PDGFA: variants seen among roughly 807,000 people sequenced by gnomAD.
The protein encoded by PDGFA is platelet-derived growth factor subunit A.
Under a neutral mutation model 25.6 loss-of-function variants are expected in PDGFA, and 9 were observed. The observed-to-expected ratio is 0.35, with a 90% CI of 0.21 to 0.61. The LOEUF (loss-of-function observed/expected upper bound fraction) is 0.61. PDGFA is among the 20% of genes least tolerant of loss of function. The probability of loss-of-function intolerance (pLI) is 0.75; values close to 1 mark genes in which losing one functional copy is unlikely to be tolerated. For missense variants in PDGFA, 242 were observed against 272.8 expected (o/e 0.89, Z 0.79); for synonymous variants, 133 against 111.8 (o/e 1.19, Z -1.20).
rs61733314 is a variant in PDGFA, at chr7:501,186, C to T, written c.510G>A (p.Arg170=). The change falls in exon 5 of 6, where the codon AGG becomes AGA. Residue 170 remains arginine, a synonymous_variant. Coordinates refer to ENST00000402802, the Ensembl canonical transcript of PDGFA. ...AGGCGCACTCCAAATGCTCCTCTAACCTCACCTGGACTTCTTTTAATTTTG... is the reference window on the plus strand; with the variant it reads ...AGGCGCACTCCAAATGCTCCTCTAATCTCACCTGGACTTCTTTTAATTTTG... The T allele has an allele frequency of 2.2e-3, 3,489 of 1,614,224 alleles. 68 individuals are homozygous for T. The African/African-American group carries it at 0.041, about 19-fold the overall frequency.
intron 4 of PDGFA, among the ~76,000 whole-genome samples, chr7:502,214 C>T (rs997420889): frequency 6.6e-6 from 1 of 152,074 alleles, no homozygotes; most frequent in Non-Finnish European, 1.5e-5. Flanking sequence ...ACACCAAGAC[C>T]CTGTCTCTAT....
chr7:502,582 G>A (rs1782391640), intron 4 of PDGFA, among the ~76,000 whole-genome samples: 1 of 152,196 alleles, frequency 6.6e-6, no homozygotes, highest in Admixed American at 6.5e-5. Flanking sequence ...GACCTCAGCT[G>A]GGTTCCCCTC....
At position 498,521 on chromosome 7, in the gene PDGFA, C is replaced by A. The variant is rs751399588; in HGVS notation, c.*43G>T. On this transcript the variant is annotated 3_prime_UTR_variant, in exon 6 of 6. Transcript: ENST00000402802. ...ACATAGTAGGTTCAGGAATGTAACA[C>A]GCCATGTACATCCATGTCCCAGGAA... The A allele has an allele frequency of 6.9e-6, 11 of 1,590,510 alleles. No individual in the cohort carries two copies. The East Asian group carries it at 2.3e-4, about 33-fold the overall frequency.
At chr7:498,763 A>G (rs1430044345) in intron 5 of PDGFA, among the ~76,000 whole-genome samples, 189 bp from the exon 6 acceptor site, 1 of 152,256 alleles carries the variant, frequency 6.6e-6, no homozygotes, top group African/African-American at 2.4e-5. Flanking sequence ...GTACCCTGAC[A>G]GGAATTGGGA....
chr7:500,980 G>A lies in PDGFA; in HGVS notation c.580+136C>T, dbSNP rs1317876905. The A allele has an allele frequency of 6.3e-7, 1 of 1,599,942 alleles. No homozygotes were observed. ...CCGCAGGCATCTGGCCCGGGAGCAG[G>A]GCAACGAATCCTTCAACAGCAGCCC... On this transcript the variant is annotated intron_variant, in intron 5 of 5. Coordinates refer to ENST00000402802, the Ensembl canonical transcript of PDGFA. This position sits in a 1 kb window ranked among gnomAD's most constrained non-coding sequence, Gnocchi z 5.0.
chr7:512,480 G>T (rs1387034085), intron 2 of PDGFA, 25 bp from the exon 3 acceptor site: 1 of 1,613,242 alleles, frequency 6.2e-7, no homozygotes, highest in South Asian at 1.1e-5. Context: ...AGAACACCGT[G>T]AATGCCCCAG....
chr7:498,669 C>G, intron 5 of PDGFA, 95 bp from the exon 6 acceptor site: 3 of 1,165,064 alleles, frequency 2.6e-6, no homozygotes, highest in African/African-American at 1.5e-5. Flanking sequence ...AGGGTGAAAA[C>G]ATTTAACCCA....
Position 516,140 on chromosome 7 carries a change from T to C in PDGFA, c.160+1254A>G, listed in dbSNP as rs201204564. Among the ~76,000 whole-genome samples the C allele has an allele frequency of 6.4e-4, 90 of 141,402 alleles. 1 individual carries two copies. The East Asian group carries it at 0.017, about 27-fold the overall frequency. The allele number at this position is 141,402 out of a possible 152,430, so 92.8% of individuals were successfully genotyped here. A position where few individuals can be genotyped will look rare whatever the true frequency, so the allele number is the denominator to read the frequency against. ...AGCCAGATCCTTTTCCCTAGAGTTA[T>C]CCACTGAGGGATCCGGTCAAAATCC... On this transcript the variant is annotated intron_variant, in intron 2 of 5. Transcript: ENST00000402802.
intron 1 of PDGFA, among the ~76,000 whole-genome samples, chr7:518,220 C>T (rs1783195752): frequency 1.3e-5 from 2 of 152,208 alleles, no homozygotes; most frequent in Admixed American, 6.5e-5. Context: ...CTCCCCCACT[C>T]CCCTCCCCGA....
At chr7:510,986 G>A (rs997507740) in exon 4 of PDGFA, 22 of 1,612,154 alleles carry the variant, frequency 1.4e-5, no homozygotes, top group African/African-American at 2.7e-5. Context: ...AGACAGCGGG[G>A]ACAGCTTCCT....
chr7:509,973 G>A (rs575489790), intron 4 of PDGFA, among the ~76,000 whole-genome samples: 2 of 152,098 alleles, frequency 1.3e-5, no homozygotes, highest in Non-Finnish European at 2.9e-5. Flanking sequence ...GCTGCTTTAG[G>A]GGGGAAGCCG....
At chr7:518,076 C>T (rs1783189569) in intron 1 of PDGFA, among the ~76,000 whole-genome samples, 1 of 152,186 alleles carries the variant, frequency 6.6e-6, no homozygotes, top group African/African-American at 2.4e-5. Context: ...TCCGGCCCAG[C>T]CGCGGCCCTA....
chr7:500,666 A>G lies in PDGFA; in HGVS notation c.580+450T>C. The G allele has an allele frequency of 6.2e-6, 9 of 1,459,056 alleles. No homozygotes were observed. The highest frequency in any genetic ancestry group is 7.2e-6 in the Non-Finnish European group (8 of 1,112,214). The allele number at this position is 1,459,056 out of a possible 1,614,324, so 90.4% of individuals were successfully genotyped here. ...CCTCATGCTCCCAGGGCCCAGCCAT[A>G]GCAGGGCACAGAAGCCATTCTGCTC... is the stretch of plus-strand genomic sequence containing the variant. On this transcript the variant is annotated intron_variant, in intron 5 of 5. Coordinates refer to ENST00000402802, the Ensembl canonical transcript of PDGFA. The surrounding 1 kb of genome is among the most constrained non-coding windows in gnomAD (Gnocchi z 5.0).
Position 504,178 on chromosome 7 carries a change from C to T in PDGFA, c.454-2936G>A, listed in dbSNP as rs193134837. Among the ~76,000 whole-genome samples, 408 of 152,274 alleles carry T rather than the reference C, an allele frequency of 2.7e-3. 1 individual carries two copies. Among genetic ancestry groups the T allele is most frequent in the Non-Finnish European group, 3.9e-3 (266 of 68,016 alleles). ...GGCTGCCACTGGCGTGGATTCTAAT[C>T]CAGAGCCCCAAAACCAACCCACCCC... On this transcript the variant is annotated intron_variant, in intron 4 of 5. Transcript: ENST00000402802.
intron 4 of PDGFA, among the ~76,000 whole-genome samples, chr7:502,850 C>A (rs148377060): frequency 0.048 from 7,219 of 151,586 alleles, 252 homozygotes; most frequent in African/African-American, 0.095. Flanking sequence ...CACAACTCCA[C>A]CCCACACACA....
rs931923262 is a variant in PDGFA, at chr7:519,340, G to A, written c.-339C>T. ...CCCGGTGCTGGCCGCCGCCGCGCTCGCTCCCCGCGCTGGCTTCAGGAGCGA... is the reference window on the plus strand; with the variant it reads ...CCCGGTGCTGGCCGCCGCCGCGCTCACTCCCCGCGCTGGCTTCAGGAGCGA... On this transcript the variant is annotated 5_prime_UTR_variant, in exon 1 of 6. Coordinates refer to ENST00000402802, the Ensembl canonical transcript of PDGFA. The A allele has an allele frequency of 9.9e-4, 283 of 284,672 alleles. 1 individual carries two copies. Among genetic ancestry groups the A allele is most frequent in the Non-Finnish European group, 3.3e-4 (51 of 152,586 alleles). The allele number at this position is 284,672 out of a possible 1,614,324, so 17.6% of individuals were successfully genotyped here.
At position 500,760 on chromosome 7, in the gene PDGFA, C is replaced by A. The variant is rs895725505; in HGVS notation, c.580+356G>T. On this transcript the variant is annotated intron_variant, in intron 5 of 5. Coordinates refer to ENST00000402802, the Ensembl canonical transcript of PDGFA. The surrounding 1 kb of genome is among the most constrained non-coding windows in gnomAD (Gnocchi z 5.0). Reference sequence around the variant, plus strand: ...AGCCAGGGCAACTGCAGTCCTCGAACCTGCTCCTCCCGCCCACCCTGGCAG... The same window carrying A: ...AGCCAGGGCAACTGCAGTCCTCGAAACTGCTCCTCCCGCCCACCCTGGCAG... 12 of 1,439,766 alleles carry A rather than the reference C, an allele frequency of 8.3e-6. No individual in the cohort carries two copies. Among genetic ancestry groups the A allele is most frequent in the African/African-American group, 2.9e-5 (2 of 69,990 alleles). The allele number at this position is 1,439,766 out of a possible 1,614,324, so 89.2% of individuals were successfully genotyped here. A position where few individuals can be genotyped will look rare whatever the true frequency, so the allele number is the denominator to read the frequency against.
At chr7:518,917 G>C (rs1182996796) in intron 1 of PDGFA, 22 bp downstream of exon 1, 77 of 1,495,558 alleles carry the variant, frequency 5.1e-5, no homozygotes, top group Non-Finnish European at 6.6e-5. Flanking sequence ...GCGCAGGGAC[G>C]GGGCGCGGGG....
intron 5 of PDGFA, 50 bp from the exon 6 acceptor site, chr7:498,624 C>A: frequency 6.3e-7 from 1 of 1,581,052 alleles, no homozygotes. Flanking sequence ...CCAAGTGAAC[C>A]ACCCAGCACA....
Sources: allele counts gnomAD v4.1 joint callset (sites outside exome capture counted in the v4.1 genomes callset), GRCh38; gene constraint gnomAD v4.1.1; non-coding constraint Gnocchi (gnomAD v3.1); transcripts MANE v1.5; gene names NCBI Gene and HGNC (gene_info 2026-07-23, HGNC 2026-07-21).